The following SLX4IP variants were observed in gnomAD, a reference collection of about 807,000 sequenced individuals.
SLX4IP encodes protein SLX4IP.
Under a neutral mutation model 32.9 loss-of-function variants are expected in SLX4IP, and 34 were observed. The ratio of observed to expected loss-of-function variants is 1.03; its 90% CI spans 0.79 to 1.38. SLX4IP has a LOEUF of 1.38. Among genes scored for constraint, SLX4IP ranks in the 40% most tolerant of loss-of-function variants. The probability of loss-of-function intolerance (pLI) is 0.00; values close to 1 mark genes in which losing one functional copy is unlikely to be tolerated. For synonymous variants in SLX4IP, 172 were observed against 171.7 expected, an observed-to-expected ratio of 1.00 and a Z score of -0.01; for missense variants, 444 against 479.0, an observed-to-expected ratio of 0.93 and a Z score of 0.68.
chr20:10,461,988 GA>G (rs1568691913), intron 2 of SLX4IP, among the ~76,000 whole-genome samples: 1 of 151,802 alleles, frequency 6.6e-6, no homozygotes, highest in Non-Finnish European at 1.5e-5. Context: ...GTCTCAGAGC[GA>G]AAAAGGAAGG....
At chr20:10,475,056 ATAT>A (rs1477723681) in intron 2 of SLX4IP, among the ~76,000 whole-genome samples, 1 of 152,142 alleles carries the variant, frequency 6.6e-6, no homozygotes, top group Non-Finnish European at 1.5e-5. Flanking sequence ...TTCATTGGGA[ATAT>A]TATCTGCCAA....
chr20:10,556,378 T>C (rs979179585), intron 3 of SLX4IP, 58 bp downstream of exon 3: 7 of 1,488,444 alleles, frequency 4.7e-6, no homozygotes, highest in Admixed American at 1.8e-5. Flanking sequence ...ATAAGAAATA[T>C]CAGCTCTTTC....
chr20:10,456,159 G>A (rs1270362769), intron 1 of SLX4IP, among the ~76,000 whole-genome samples: 3 of 152,100 alleles, frequency 2.0e-5, no homozygotes, highest in South Asian at 2.1e-4. Flanking sequence ...AGTGAATTTT[G>A]TGTTTAGATT....
At chr20:10,556,938 G>T (rs755639146) in intron 3 of SLX4IP, among the ~76,000 whole-genome samples, 1 of 152,126 alleles carries the variant, frequency 6.6e-6, no homozygotes, top group East Asian at 1.9e-4. Context: ...ATTCACTCCT[G>T]GTTCTAAGTT....
intron 5 of SLX4IP, 132 bp downstream of exon 5, chr20:10,598,884 G>T: frequency 1.1e-6 from 1 of 884,694 alleles, no homozygotes. Flanking sequence ...GTGTCCGAAA[G>T]TTTGCGATTT....
chr20:10,513,893 T>C (rs1600948107), intron 2 of SLX4IP, among the ~76,000 whole-genome samples: 2 of 152,328 alleles, frequency 1.3e-5, no homozygotes, highest in South Asian at 2.1e-4. Context: ...TCTTATACTT[T>C]AGGCCCCCTA....
At chr20:10,612,322 A>T (rs1459146197) in intron 6 of SLX4IP, among the ~76,000 whole-genome samples, 1 of 152,194 alleles carries the variant, frequency 6.6e-6, no homozygotes, top group African/African-American at 2.4e-5. Flanking sequence ...GCCCTGGGAC[A>T]AGCCAACAAT....
At chr20:10,612,929 C>T (rs1249264662) in intron 6 of SLX4IP, 1 of 155,906 alleles carries the variant, frequency 6.4e-6, no homozygotes, top group African/African-American at 2.4e-5. Flanking sequence ...AGTAATTTAA[C>T]ACCTGTACAT....
chr20:10,441,178 G>A (rs1163843422), intron 1 of SLX4IP, among the ~76,000 whole-genome samples: 1 of 152,154 alleles, frequency 6.6e-6, no homozygotes, highest in African/African-American at 2.4e-5. Context: ...GGTCACACCT[G>A]TAATCCCAGC....
intron 2 of SLX4IP, among the ~76,000 whole-genome samples, chr20:10,485,245 C>G (rs756677185): frequency 4.6e-5 from 7 of 152,030 alleles, no homozygotes; most frequent in Non-Finnish European, 7.4e-5. Flanking sequence ...GATGCTTATA[C>G]AGTTGACCCT....
intron 4 of SLX4IP, among the ~76,000 whole-genome samples, chr20:10,588,245 G>C (rs150173187): frequency 6.6e-6 from 1 of 152,130 alleles, no homozygotes; most frequent in Non-Finnish European, 1.5e-5. Context: ...TTGTAAACAG[G>C]TATATGGAAA....
At chr20:10,620,342 C>G (rs1370292558) in intron 6 of SLX4IP, among the ~76,000 whole-genome samples, 2 of 152,090 alleles carry the variant, frequency 1.3e-5, no homozygotes, top group Non-Finnish European at 2.9e-5. Flanking sequence ...GGTAGGTAGG[C>G]TTTTACATTT....
chr20:10,514,616 C>G (rs757264105), intron 2 of SLX4IP, among the ~76,000 whole-genome samples: 5 of 152,090 alleles, frequency 3.3e-5, no homozygotes, highest in Admixed American at 6.6e-5. Context: ...CACTTGGGAG[C>G]CTTAATGTGG....
intron 1 of SLX4IP, among the ~76,000 whole-genome samples, chr20:10,442,860 G>A (rs1421121304): frequency 6.6e-6 from 1 of 152,176 alleles, no homozygotes; most frequent in East Asian, 1.9e-4. Flanking sequence ...GATGTTCCTT[G>A]ATTTAAAACT....
chr20:10,548,395 C>T (rs1345001503), intron 2 of SLX4IP, among the ~76,000 whole-genome samples: 2 of 152,146 alleles, frequency 1.3e-5, no homozygotes, highest in Non-Finnish European at 2.9e-5. Flanking sequence ...CCCGCCACCA[C>T]GCCCGGCTAA....
chr20:10,590,349 T>C (rs1046321856), intron 4 of SLX4IP, among the ~76,000 whole-genome samples: 7 of 151,980 alleles, frequency 4.6e-5, no homozygotes, highest in East Asian at 1.9e-4. Flanking sequence ...TTTATGTATG[T>C]ATTTATTTAT....
At chr20:10,576,500 A>G (rs1168901807) in intron 4 of SLX4IP, among the ~76,000 whole-genome samples, 1 of 152,206 alleles carries the variant, frequency 6.6e-6, no homozygotes, top group Admixed American at 6.5e-5. Flanking sequence ...TTGATCATGA[A>G]CCACATAACC....
chr20:10,469,568 T>C (rs1027343493), intron 2 of SLX4IP, among the ~76,000 whole-genome samples: 2 of 152,202 alleles, frequency 1.3e-5, no homozygotes, highest in Admixed American at 1.3e-4. Flanking sequence ...TTCCAACATA[T>C]GTACAAAGCA....
At chr20:10,535,504 T>C (rs533038598) in intron 2 of SLX4IP, among the ~76,000 whole-genome samples, 172 of 152,208 alleles carry the variant, frequency 1.1e-3, no homozygotes, top group African/African-American at 4.1e-3. Flanking sequence ...GTATTTTTAG[T>C]AGAGATGGGG....
Sources: gnomAD v4.1 joint callset for allele counts (sites outside exome capture counted in the v4.1 genomes callset) on GRCh38, gnomAD v4.1.1 for gene constraint, MANE v1.5 for transcripts, NCBI Gene and HGNC (gene_info 2026-07-23, HGNC 2026-07-21) for gene names.